Variants in MFN2 observed in about 807,000 individuals in gnomAD.
MFN2 encodes mitofusin-2.
A neutral mutation model predicts 87.5 loss-of-function variants in MFN2; 43 were observed. The observed-to-expected ratio is 0.49, with a 90% CI of 0.38 to 0.63. The LOEUF (loss-of-function observed/expected upper bound fraction) is 0.63, where lower values mean the gene tolerates loss of function less well. Ranked by LOEUF, MFN2 falls within the 30% of genes least tolerant of loss-of-function variation. The pLI, the probability that MFN2 is intolerant of heterozygous loss-of-function variation, is 0.00. For missense variants in MFN2, 743 were observed against 972.8 expected (o/e 0.76, Z 3.14); for synonymous variants, 337 against 359.9 (o/e 0.94, Z 0.72).
intron 3 of MFN2, among the ~76,000 whole-genome samples, chr1:11,991,963 A>G (rs183494018): frequency 1.1e-3 from 152 of 143,020 alleles, no homozygotes; most frequent in Non-Finnish European, 1.9e-3. Flanking sequence ...GAAGTGACAT[A>G]GAGTGGTTAA....
intron 4 of MFN2, among the ~76,000 whole-genome samples, chr1:11,995,666 A>G (rs1306185527): frequency 1.3e-5 from 2 of 152,066 alleles, no homozygotes; most frequent in Non-Finnish European, 2.9e-5. Context: ...ATGAGAAAGT[A>G]ACCTTCCCTT....
chr1:11,998,031 C>A (rs560943417), intron 6 of MFN2, among the ~76,000 whole-genome samples: 75 of 151,122 alleles, frequency 5.0e-4, no homozygotes, highest in Middle Eastern at 3.4e-3. Flanking sequence ...TTACAGGTGC[C>A]CGCCACCATG....
At chr1:11,984,206 GA>G (rs1225249169) in intron 2 of MFN2, among the ~76,000 whole-genome samples, 1 of 152,202 alleles carries the variant, frequency 6.6e-6, no homozygotes, top group African/African-American at 2.4e-5. Flanking sequence ...TGATGGCAGG[GA>G]ACTTGCTTCC....
intron 2 of MFN2, chr1:11,982,648 G>T (rs1049722724): frequency 1.3e-5 from 2 of 152,166 alleles, no homozygotes; most frequent in African/African-American, 4.8e-5. Context: ...ACCTTGCAGT[G>T]AATTTTGCTA....
intron 5 of MFN2, among the ~76,000 whole-genome samples, chr1:11,996,810 G>A (rs2100824293): frequency 6.6e-6 from 1 of 152,288 alleles, no homozygotes; most frequent in African/African-American, 2.4e-5. Context: ...GGCCGAGGTG[G>A]ATGGATCATT....
chr1:11,989,040 C>T (rs1638553864), intron 2 of MFN2, 125 bp from the exon 3 acceptor site: 1 of 1,069,842 alleles, frequency 9.3e-7, no homozygotes, highest in Non-Finnish European at 1.4e-6. Context: ...TTGTTCTAGT[C>T]CTGGAGGTTG....
chr1:12,006,643 G>A lies in MFN2; in HGVS notation c.1822G>A (p.Ala608Thr), dbSNP rs1639431440. ...CATGGTTTCCATGGTTACCGGCCTG[G>A]CCTCCTTGACATCCAGGACCTCCAT... ...EFMVSMVTGLASLTSRTSMGI... is the reference protein window; with the variant it reads ...EFMVSMVTGLTSLTSRTSMGI... The change falls in exon 16 of 19, where the codon GCC (alanine) becomes ACC (threonine). Residue 608 changes from alanine (A) to threonine (T), a missense_variant. This residue lies in a region of MFN2 where 571 missense variants were observed against 670.7 expected (regional missense o/e 0.85). Transcript: ENST00000235329. 4.3e-6 allele frequency: 7 copies of A among 1,614,000 alleles called. No individual in the cohort carries two copies. The highest frequency in any genetic ancestry group is 1.3e-5 in the African/African-American group (1 of 74,896).
intron 2 of MFN2, among the ~76,000 whole-genome samples, chr1:11,986,379 C>T (rs1638406748): frequency 6.6e-6 from 1 of 152,120 alleles, no homozygotes; most frequent in African/African-American, 2.4e-5. Flanking sequence ...GCTGGGGAGG[C>T]AGTGACAGAC....
chr1:11,988,420 T>TA (rs59308324), intron 2 of MFN2, among the ~76,000 whole-genome samples: 23 of 150,604 alleles, frequency 1.5e-4, no homozygotes, highest in Admixed American at 4.0e-4. Context: ...TTTTTTTTTT[T>TA]AAATAGAGAC....
intron 1 of MFN2, among the ~76,000 whole-genome samples, chr1:11,980,754 C>T (rs747777602): frequency 6.6e-6 from 1 of 152,238 alleles, no homozygotes; most frequent in Non-Finnish European, 1.5e-5. Flanking sequence ...TCTACCCCTG[C>T]CCCTTCTCTA....
At chr1:11,998,355 G>C (rs1639020743) in intron 6 of MFN2, among the ~76,000 whole-genome samples, 1 of 151,054 alleles carries the variant, frequency 6.6e-6, no homozygotes, top group African/African-American at 2.4e-5. Context: ...AGACCAGCCT[G>C]ACCAACATGG....
rs77458527 is a variant in MFN2 at position 11,989,333 on chromosome 1, C to T, written c.165C>T (p.Thr55=). The T allele has an allele frequency of 1.9e-3, 3,060 of 1,614,010 alleles. 57 individuals carry two copies. The East Asian group carries it at 0.036, about 19-fold the overall frequency. The change falls in exon 3 of 19, where the codon ACC becomes ACT. Residue 55 remains threonine, a synonymous_variant. Coordinates refer to ENST00000235329, the MANE Select transcript of MFN2 (RefSeq NM_014874.4). ...GGGCCTACATCCAGGAGAGCGCCAC[C>T]TTCCTTGAAGGTAAGGGGGCACCGG... ...QLGAYIQESA[T]FLEDTYRNAE...
chr1:11,995,809 G>A (rs1003342319), intron 4 of MFN2, among the ~76,000 whole-genome samples: 2 of 152,162 alleles, frequency 1.3e-5, no homozygotes, highest in African/African-American at 4.8e-5. Flanking sequence ...AAGACACTCT[G>A]GGGGTTAGTC....
intron 2 of MFN2, among the ~76,000 whole-genome samples, chr1:11,986,591 CTT>C (rs555735351): frequency 1.3e-4 from 18 of 136,716 alleles, no homozygotes; most frequent in Non-Finnish European, 1.1e-4. Context: ...TCTTTTTGAT[CTT>C]TTTTTTTTTT....
intron 14 of MFN2, among the ~76,000 whole-genome samples, chr1:12,005,351 A>G (rs1252137908): frequency 6.6e-6 from 1 of 152,204 alleles, no homozygotes; most frequent in African/African-American, 2.4e-5. Flanking sequence ...CCAAAGTGCT[A>G]GGATTACAGG....
intron 2 of MFN2, chr1:11,982,713 A>C (rs1646008344): frequency 6.6e-6 from 1 of 152,208 alleles, no homozygotes; most frequent in African/African-American, 2.4e-5. Context: ...GCCTAGGTTG[A>C]GGCAAAGCTG....
In MFN2 at chr1:12,010,506, C is replaced by T. The variant is rs373299903; in HGVS notation, c.2204+780C>T. On this transcript the variant is annotated intron_variant, in intron 18 of 18. Coordinates refer to ENST00000235329, the MANE Select transcript of MFN2 (RefSeq NM_014874.4). ...CTCCTTACCTGCCACTCTTTGGACC[C>T]ATGAAGAGGGCATAGCCCCCCATTT... Among the ~76,000 whole-genome samples, 73 of 152,290 alleles carry T rather than the reference C, an allele frequency of 4.8e-4. 1 individual carries two copies. In the East Asian group the frequency reaches 0.011, roughly 22 times the overall value.
intron 3 of MFN2, among the ~76,000 whole-genome samples, chr1:11,991,940 A>AAAAAAAAAAAAAAAAAAAAAAG: frequency 6.9e-6 from 1 of 145,178 alleles, no homozygotes; most frequent in African/African-American, 2.5e-5. Context: ...AAAAAAAAAA[A>AAAAAAAAAAAAAAAAAAAAAAG]AAAAAAAAAA....
At position 12,013,194 on chromosome 1, in the gene MFN2, GAA is replaced by G; in HGVS notation, c.*1639_*1640del. 5 of 306,728 alleles carry G rather than the reference GAA, an allele frequency of 1.6e-5. No homozygotes were observed. Among genetic ancestry groups the G allele is most frequent in the Admixed American group, 4.6e-5 (1 of 21,650 alleles). 19.0% of individuals were successfully genotyped at this position (306,728 alleles called of 1,614,324 possible). ...TTCCAATGGATTTTGTGCTCTTTTTGAAAAAAAAAAATTCTTTAGCGTAAACA... is the reference window on the plus strand; with the variant it reads ...TTCCAATGGATTTTGTGCTCTTTTTGAAAAAAAAATTCTTTAGCGTAAACA... On this transcript the variant is annotated 3_prime_UTR_variant, in exon 19 of 19. Coordinates refer to ENST00000235329, the MANE Select transcript of MFN2 (RefSeq NM_014874.4).
Sources: allele counts gnomAD v4.1 joint callset (sites outside exome capture counted in the v4.1 genomes callset), GRCh38; gene constraint gnomAD v4.1.1; regional missense constraint gnomAD v4.1.1; transcripts MANE v1.5; gene names NCBI Gene and HGNC (gene_info 2026-07-23, HGNC 2026-07-21).